DRICH1: variants seen among roughly 807,000 people sequenced by gnomAD.
DRICH1 encodes the protein aspartate rich 1, also known as aspartate-rich protein 1.
Under a neutral mutation model 39.5 loss-of-function variants are expected in DRICH1, and 38 were observed. The observed-to-expected ratio is 0.96, with a 90% CI of 0.74 to 1.26. DRICH1 has a LOEUF of 1.26. Ranked by LOEUF, DRICH1 falls within the 50% of genes most tolerant of loss-of-function variation. The pLI is 0.00. For missense variants in DRICH1, 279 were observed against 270.4 expected, an observed-to-expected ratio of 1.03 and a Z score of -0.22; for synonymous variants, 84 against 99.5, an observed-to-expected ratio of 0.84 and a Z score of 0.93.
At chr22:23,619,961 C>T (rs1450571153) in intron 5 of DRICH1, among the ~76,000 whole-genome samples, 3 of 152,162 alleles carry the variant, frequency 2.0e-5, no homozygotes, top group African/African-American at 7.2e-5. Flanking sequence ...TGAGTAACTG[C>T]TTGTGACAGA....
chr22:23,582,572 T>TATTATTATTA, the DRICH1 span, among the ~76,000 whole-genome samples: 1,362 of 148,784 alleles, frequency 9.2e-3, 27 homozygotes, highest in African/African-American at 0.032. Flanking sequence ...TTATTATTAT[T>TATTATTATTA]ATTATTATTT....
the DRICH1 span, among the ~76,000 whole-genome samples, chr22:23,598,146 C>T: frequency 2.0e-5 from 3 of 150,130 alleles, no homozygotes; most frequent in Non-Finnish European, 3.0e-5. Context: ...CCTCGCTGTC[C>T]CTCCAGGCCT....
At chr22:23,615,881 G>A (rs142888816) in intron 8 of DRICH1, among the ~76,000 whole-genome samples, 1 of 152,314 alleles carries the variant, frequency 6.6e-6, no homozygotes, top group African/African-American at 2.4e-5. Flanking sequence ...CAACAAAAGT[G>A]TCAAAAATAC....
chr22:23,595,608 T>C, the DRICH1 span, among the ~76,000 whole-genome samples: 9 of 152,230 alleles, frequency 5.9e-5, no homozygotes, highest in Non-Finnish European at 1.2e-4. Context: ...TCTAGGTGGC[T>C]TCATAAATCA....
At chr22:23,582,578 T>TATTATTA in the DRICH1 span, among the ~76,000 whole-genome samples, 25 of 151,132 alleles carry the variant, frequency 1.7e-4, no homozygotes, top group South Asian at 6.3e-4. Flanking sequence ...TTATTATTAT[T>TATTATTA]ATTTTGAGAT....
In DRICH1 at chr22:23,632,291, C is replaced by T. The variant is rs1315653819; in HGVS notation, c.-268G>A. Reference sequence around the variant, plus strand: ...CTGCCATCAAAGAGCACAGTTGGAGCTCCTCCTCCCTCCACTGCGAGCTAC... The same window carrying T: ...CTGCCATCAAAGAGCACAGTTGGAGTTCCTCCTCCCTCCACTGCGAGCTAC... On this transcript the variant is annotated 5_prime_UTR_variant, in exon 1 of 12. Coordinates refer to ENST00000317749, the MANE Select transcript of DRICH1 (RefSeq NM_016449.4). The T allele has an allele frequency of 8.2e-6, 4 of 490,570 alleles. No individual in the cohort carries two copies. Among genetic ancestry groups the T allele is most frequent in the African/African-American group, 3.9e-5 (2 of 51,606 alleles). 30.4% of individuals were successfully genotyped at this position (490,570 alleles called of 1,614,324 possible). A position where few individuals can be genotyped will look rare whatever the true frequency, so the allele number is the denominator to read the frequency against.
intron 11 of DRICH1, among the ~76,000 whole-genome samples, chr22:23,612,737 C>A (rs180860607): frequency 7.0e-4 from 107 of 152,232 alleles, no homozygotes; most frequent in Non-Finnish European, 1.3e-3. Context: ...TTACCAGTGA[C>A]CCCAGAGTGA....
chr22:23,608,511 G>A lies in DRICH1; in HGVS notation c.*253C>T. ...TGGCACTTTCTGCTCGTGGAGCACA[G>A]TCACGTCTCTTCTCACTCTCTTGCC... On this transcript the variant is annotated 3_prime_UTR_variant, in exon 12 of 12. Transcript: ENST00000317749. 1 of 520,100 alleles carries A rather than the reference G, an allele frequency of 1.9e-6. No individual in the cohort carries two copies. The highest frequency in any genetic ancestry group is 3.5e-6 in the Non-Finnish European group (1 of 289,296). 32.2% of individuals were successfully genotyped at this position (520,100 alleles called of 1,614,324 possible).
chr22:23,582,555 C>CTTATTATT, the DRICH1 span, among the ~76,000 whole-genome samples: 1 of 143,872 alleles, frequency 7.0e-6, no homozygotes, highest in African/African-American at 2.6e-5. Context: ...CCTTCAGGGG[C>CTTATTATT]TTATTATTAT....
intron 8 of DRICH1, among the ~76,000 whole-genome samples, chr22:23,616,378 C>T (rs1375760227): frequency 6.6e-6 from 1 of 152,140 alleles, no homozygotes; most frequent in African/African-American, 2.4e-5. Context: ...GTACTTCTCA[C>T]CATGATGACA....
chr22:23,631,783 C>T, intron 1 of DRICH1, 33 bp downstream of exon 1: 1 of 1,585,596 alleles, frequency 6.3e-7, no homozygotes, highest in Non-Finnish European at 8.6e-7. Flanking sequence ...CAGAGGTGTG[C>T]CAGAGGGTAA....
At chr22:23,609,924 T>C (rs1926944303) in intron 11 of DRICH1, among the ~76,000 whole-genome samples, 1 of 152,156 alleles carries the variant, frequency 6.6e-6, no homozygotes, top group South Asian at 2.1e-4. Context: ...CAAGACCTGC[T>C]TCCCCTCCCT....
chr22:23,627,670 C>A (rs535805528), intron 1 of DRICH1, among the ~76,000 whole-genome samples: 1 of 152,142 alleles, frequency 6.6e-6, no homozygotes, highest in Non-Finnish European at 1.5e-5. Context: ...AGGGGAAGAG[C>A]GTGGCCCTGC....
At chr22:23,584,792 A>G in the DRICH1 span, among the ~76,000 whole-genome samples, 1 of 152,170 alleles carries the variant, frequency 6.6e-6, no homozygotes, top group African/African-American at 2.4e-5. Flanking sequence ...AACTTGTGAA[A>G]ATTAAACAAC....
At chr22:23,601,809 C>A in the DRICH1 span, among the ~76,000 whole-genome samples, 1 of 152,228 alleles carries the variant, frequency 6.6e-6, no homozygotes, top group African/African-American at 2.4e-5. Context: ...ACATCCTTTA[C>A]GTTTGCATTT....
chr22:23,619,502 G>C (rs1395283380), intron 5 of DRICH1, 109 bp from the exon 6 acceptor site: 2 of 725,526 alleles, frequency 2.8e-6, no homozygotes, highest in Non-Finnish European at 2.6e-6. Flanking sequence ...ACATTCATGA[G>C]ATTGAAATCT....
rs1239450359 is a variant in DRICH1 at position 23,624,875 on chromosome 22, G to T, written c.298+8C>A. 3 of 1,613,148 alleles carry T rather than the reference G, an allele frequency of 1.9e-6. No individual in the cohort carries two copies. The highest frequency in any genetic ancestry group is 1.7e-5 in the Admixed American group (1 of 59,998). On this transcript the variant is annotated splice_region_variant and intron_variant, in intron 3 of 11. Coordinates refer to ENST00000317749, the MANE Select transcript of DRICH1 (RefSeq NM_016449.4). ...TTCTCAGAAAGTGAGTTAGTTCAAG[G>T]TACGTACCCTGGACAGGTGATGGTA...
At position 23,616,885 on chromosome 22, in the gene DRICH1, A is replaced by G. The variant is rs751664198; in HGVS notation, c.520-11T>C. The G allele has an allele frequency of 5.0e-6, 8 of 1,613,996 alleles. No individual in the cohort carries two copies. The East Asian group carries it at 1.6e-4, about 31-fold the overall frequency. ...AGGTGACGGTAAAATCTGCAATGAG[A>G]TAAAAGAAGATGCTGTAAGGATCAG... On this transcript the variant is annotated splice_polypyrimidine_tract_variant and intron_variant, in intron 7 of 11. Coordinates refer to ENST00000317749, the MANE Select transcript of DRICH1 (RefSeq NM_016449.4).
chr22:23,603,590 G>A (rs893508263), downstream of DRICH1, among the ~76,000 whole-genome samples: 9 of 151,950 alleles, frequency 5.9e-5, no homozygotes, highest in Non-Finnish European at 1.5e-5. Flanking sequence ...TGTCCCCCAG[G>A]AGCTCCCCGC....
Sources: gnomAD v4.1 joint callset for allele counts (sites outside exome capture counted in the v4.1 genomes callset) on GRCh38, gnomAD v4.1.1 for gene constraint, MANE v1.5 for transcripts, NCBI Gene and HGNC (gene_info 2026-07-23, HGNC 2026-07-21) for gene names.